Variants in SCFD2 observed in about 807,000 individuals in gnomAD.
The protein encoded by SCFD2 is sec1 family domain containing 2.
A neutral mutation model predicts 58.9 loss-of-function variants in SCFD2; 54 were observed. The ratio of observed to expected loss-of-function variants is 0.92; its 90% confidence interval spans 0.74 to 1.15. The LOEUF is 1.15. Ranked by LOEUF, SCFD2 falls within the 50% of genes most tolerant of loss-of-function variation. The pLI, the probability that SCFD2 is intolerant of heterozygous loss-of-function variation, is 0.00. For missense variants in SCFD2, 805 were observed against 836.6 expected (o/e 0.96, Z 0.47); for synonymous variants, 321 against 335.9 (o/e 0.96, Z 0.49).
intron 2 of SCFD2, among the ~76,000 whole-genome samples, chr4:53,332,064 G>T (rs1326563744): frequency 6.6e-6 from 1 of 152,094 alleles, no homozygotes; most frequent in Non-Finnish European, 1.5e-5. Context: ...TTGAATCTCT[G>T]AATAGACCAA....
intron 4 of SCFD2, among the ~76,000 whole-genome samples, chr4:53,178,020 A>C (rs1727399617): frequency 1.3e-5 from 2 of 152,182 alleles, no homozygotes; most frequent in Non-Finnish European, 2.9e-5. Context: ...GAAGCTAGAA[A>C]TGGGTGGAGC....
At chr4:53,329,023 T>G (rs1481321410) in intron 2 of SCFD2, among the ~76,000 whole-genome samples, 1 of 152,152 alleles carries the variant, frequency 6.6e-6, no homozygotes. Flanking sequence ...ACCCGAATAT[T>G]GTGCTTTTCG....
At chr4:53,303,868 C>T (rs571883408) in intron 3 of SCFD2, among the ~76,000 whole-genome samples, 118 of 148,224 alleles carry the variant, frequency 8.0e-4, no homozygotes, top group African/African-American at 2.4e-3. Context: ...AACCAAACAC[C>T]GCATGTTCTC....
intron 2 of SCFD2, among the ~76,000 whole-genome samples, chr4:53,331,425 A>C (rs202055870): frequency 6.6e-6 from 1 of 152,310 alleles, no homozygotes; most frequent in East Asian, 1.9e-4. Flanking sequence ...TCAAACTAGA[A>C]CTCAGGATTA....
intron 3 of SCFD2, among the ~76,000 whole-genome samples, chr4:53,312,368 G>GAT (rs1249807654): frequency 1.3e-5 from 2 of 152,150 alleles, no homozygotes; most frequent in Non-Finnish European, 2.9e-5. Flanking sequence ...CCACTTATCA[G>GAT]ATATATGGCC....
At chr4:53,112,576 C>G (rs1725203756) in intron 5 of SCFD2, among the ~76,000 whole-genome samples, 1 of 152,054 alleles carries the variant, frequency 6.6e-6, no homozygotes, top group East Asian at 1.9e-4. Flanking sequence ...TAATGCTTCT[C>G]AAAACATTTG....
chr4:53,003,097 C>G (rs1721900186), intron 5 of SCFD2, among the ~76,000 whole-genome samples: 1 of 152,204 alleles, frequency 6.6e-6, no homozygotes, highest in East Asian at 1.9e-4. Flanking sequence ...TGGGCCCCAC[C>G]ACCAACACGG....
intron 3 of SCFD2, among the ~76,000 whole-genome samples, chr4:53,296,305 C>G (rs1291658744): frequency 2.6e-5 from 4 of 152,168 alleles, no homozygotes; most frequent in Non-Finnish European, 5.9e-5. Context: ...ATTGCTGACT[C>G]TATTTCAGAA....
At position 53,048,702 on chromosome 4, in the gene SCFD2, T is replaced by C. The variant is rs1179131268; in HGVS notation, c.1561+96631A>G. 6.0e-4 allele frequency among the ~76,000 whole-genome samples: 91 copies of C among 152,308 alleles called. 2 individuals are homozygous for C. Among genetic ancestry groups the C allele is most frequent in the Non-Finnish European group, 1.5e-4 (10 of 68,026 alleles). ...GCTGCAGGGAGCTGTGTATCTCAAA[T>C]GTTTTATTTCGATGGCCCTCCAGGC... On this transcript the variant is annotated intron_variant, in intron 5 of 8. Coordinates refer to ENST00000401642, the MANE Select transcript of SCFD2 (RefSeq NM_152540.4).
chr4:53,028,706 C>T (rs904130149), intron 5 of SCFD2, among the ~76,000 whole-genome samples: 5 of 152,032 alleles, frequency 3.3e-5, no homozygotes, highest in Non-Finnish European at 7.4e-5. Flanking sequence ...AGCTCTTCCC[C>T]GGGGTTTTAA....
chr4:53,083,035 C>A (rs1385842003), intron 5 of SCFD2, among the ~76,000 whole-genome samples: 1 of 152,010 alleles, frequency 6.6e-6, no homozygotes, highest in Non-Finnish European at 1.5e-5. Context: ...CTCTGGAGAA[C>A]CCTGACTAAT....
chr4:52,915,139 C>G (rs1719572861), intron 6 of SCFD2, among the ~76,000 whole-genome samples: 1 of 152,136 alleles, frequency 6.6e-6, no homozygotes. Context: ...AAGTCAGATA[C>G]AATCTTGAGA....
chr4:53,063,776 T>A (rs943103398), intron 5 of SCFD2, among the ~76,000 whole-genome samples: 8 of 152,178 alleles, frequency 5.3e-5, no homozygotes, highest in African/African-American at 1.7e-4. Context: ...CCTTAATCAC[T>A]AAAAGTAGAT....
chr4:53,233,151 T>C (rs1023479448), intron 4 of SCFD2, among the ~76,000 whole-genome samples: 2 of 151,950 alleles, frequency 1.3e-5, no homozygotes, highest in African/African-American at 2.4e-5. Context: ...CCAAGGCTAA[T>C]GCTAAAAAGA....
chr4:53,018,256 T>C (rs1254698286), intron 5 of SCFD2, among the ~76,000 whole-genome samples: 1 of 152,190 alleles, frequency 6.6e-6, no homozygotes, highest in Non-Finnish European at 1.5e-5. Flanking sequence ...AATTTGATAT[T>C]GTTACAGAAT....
At chr4:53,228,564 TCAA>T (rs1222598096) in intron 4 of SCFD2, among the ~76,000 whole-genome samples, 2 of 152,140 alleles carry the variant, frequency 1.3e-5, no homozygotes, top group African/African-American at 4.8e-5. Context: ...TTGACAAAAT[TCAA>T]CAACACTTCA....
At chr4:53,224,527 G>A (rs1428709898) in intron 4 of SCFD2, among the ~76,000 whole-genome samples, 1 of 152,202 alleles carries the variant, frequency 6.6e-6, no homozygotes, top group Non-Finnish European at 1.5e-5. Flanking sequence ...CACTGCAGCT[G>A]AGTCCATCCT....
Position 53,273,914 on chromosome 4 carries a change from T to C in SCFD2, c.1223A>G (p.Gln408Arg), listed in dbSNP as rs1560423554. The C allele has an allele frequency of 6.2e-7, 1 of 1,614,036 alleles. No individual in the cohort carries two copies. The highest frequency in any genetic ancestry group is 1.7e-5 in the Admixed American group (1 of 60,014). ...CGTTTGAGCTGTGGCCAGTCCAAGC[T>C]GGAGGAGGCCACAATGATTCATTAG... ...KALMNHCGLL[Q>R]LGLATAQTLK... The change falls in exon 4 of 9, where the codon CAG becomes CGG. Residue 408 changes from glutamine to arginine, a missense_variant. Gln to Arg is a conservative substitution (Grantham distance 43, BLOSUM62 1). Coordinates refer to ENST00000401642, the MANE Select transcript of SCFD2 (RefSeq NM_152540.4).
At chr4:53,331,564 A>G (rs533703542) in intron 2 of SCFD2, among the ~76,000 whole-genome samples, 1 of 152,352 alleles carries the variant, frequency 6.6e-6, no homozygotes, top group South Asian at 2.1e-4. Flanking sequence ...CAAAGACACA[A>G]CATACCAGAA....
Sources: gnomAD v4.1 joint callset for allele counts (sites outside exome capture counted in the v4.1 genomes callset) on GRCh38, gnomAD v4.1.1 for gene constraint, MANE v1.5 for transcripts, NCBI Gene and HGNC (gene_info 2026-07-23, HGNC 2026-07-21) for gene names.